Variants in CDH13 observed in about 807,000 individuals in gnomAD.
The protein encoded by CDH13 is cadherin 13.
CDH13 carries 24 observed loss-of-function variants against 63.8 expected under a neutral mutation model. The observed-to-expected ratio is 0.38, with a 90% CI of 0.27 to 0.53. The LOEUF (loss-of-function observed/expected upper bound fraction) is 0.53, where lower values mean the gene tolerates loss of function less well. Ranked by LOEUF, CDH13 falls within the 20% of genes least tolerant of loss-of-function variation. CDH13 has a pLI of 0.85. For missense variants in CDH13, 1,049 were observed against 903.1 expected, an observed-to-expected ratio of 1.16 and a Z score of -2.07; for synonymous variants, 503 against 355.3, an observed-to-expected ratio of 1.42 and a Z score of -4.67.
chr16:82,774,371 A>G (rs1049815929), intron 1 of CDH13, among the ~76,000 whole-genome samples: 7 of 150,604 alleles, frequency 4.6e-5, no homozygotes, highest in African/African-American at 1.7e-4. Flanking sequence ...CCATCTGTAA[A>G]TTGTGGATAC....
intron 3 of CDH13, among the ~76,000 whole-genome samples, chr16:83,084,086 G>A (rs867412582): frequency 6.6e-6 from 1 of 152,154 alleles, no homozygotes; most frequent in African/African-American, 2.4e-5. Flanking sequence ...TCCTAATGTG[G>A]CAAAAACCAA....
intron 8 of CDH13, among the ~76,000 whole-genome samples, chr16:83,614,623 T>TG (rs1409097985): frequency 6.6e-5 from 10 of 152,132 alleles, no homozygotes. Context: ...TTCAAATAAG[T>TG]GGGGGGTTTT....
chr16:83,105,142 T>A (rs2034702359), intron 3 of CDH13, among the ~76,000 whole-genome samples: 1 of 152,194 alleles, frequency 6.6e-6, no homozygotes, highest in Non-Finnish European at 1.5e-5. Flanking sequence ...GCATTAGCTA[T>A]TTTAAGAGGA....
intron 2 of CDH13, among the ~76,000 whole-genome samples, chr16:82,876,805 A>C (rs552898533): frequency 2.0e-5 from 3 of 152,218 alleles, no homozygotes; most frequent in Non-Finnish European, 4.4e-5. Flanking sequence ...AGGGACTGTA[A>C]ACAAACAAAA....
intron 5 of CDH13, among the ~76,000 whole-genome samples, chr16:83,312,439 G>A (rs778140341): frequency 1.3e-5 from 2 of 152,312 alleles, no homozygotes; most frequent in South Asian, 2.1e-4. Context: ...CGAGCATACT[G>A]TCTCTTAGGC....
chr16:83,536,729 G>A (rs1309181002), intron 7 of CDH13, among the ~76,000 whole-genome samples: 1 of 152,200 alleles, frequency 6.6e-6, no homozygotes, highest in East Asian at 1.9e-4. Context: ...TCCACTAGGG[G>A]ACTACCATAT....
At chr16:83,261,502 G>C (rs1472579686) in intron 5 of CDH13, among the ~76,000 whole-genome samples, 1 of 152,000 alleles carries the variant, frequency 6.6e-6, no homozygotes, top group Non-Finnish European at 1.5e-5. Context: ...AGTGGGGCTA[G>C]GTGTCCAGTG....
intron 5 of CDH13, among the ~76,000 whole-genome samples, chr16:83,321,203 G>T (rs534442177): frequency 1.3e-5 from 2 of 152,196 alleles, no homozygotes; most frequent in African/African-American, 4.8e-5. Context: ...TGAAACAATT[G>T]TCTATTATTA....
intron 2 of CDH13, among the ~76,000 whole-genome samples, chr16:83,021,111 C>G (rs965555293): frequency 6.6e-6 from 1 of 152,166 alleles, no homozygotes. Flanking sequence ...GATTCTCAAA[C>G]TTGCTGAATC....
chr16:83,334,341 CCTCT>C (rs370037527), intron 5 of CDH13, among the ~76,000 whole-genome samples: 65 of 109,218 alleles, frequency 6.0e-4, no homozygotes, highest in Non-Finnish European at 8.9e-4. Flanking sequence ...TCCCTTTCTC[CCTCT>C]CTCTCTCTCT....
At chr16:83,395,093 A>C (rs1026452337) in intron 6 of CDH13, among the ~76,000 whole-genome samples, 1 of 149,126 alleles carries the variant, frequency 6.7e-6, no homozygotes, top group Non-Finnish European at 1.5e-5. Context: ...GGTTGCAGTG[A>C]GCCAAGATCG....
chr16:82,939,632 A>C (rs1026293397), intron 2 of CDH13, among the ~76,000 whole-genome samples: 11 of 150,024 alleles, frequency 7.3e-5, no homozygotes, highest in African/African-American at 2.7e-4. Flanking sequence ...GAATGTTAAC[A>C]GTGGGTCTCT....
At chr16:83,621,475 C>CTTTT (rs72032168) in intron 8 of CDH13, among the ~76,000 whole-genome samples, 8,054 of 28,506 alleles carry the variant, frequency 0.28, 3,620 homozygotes, top group Non-Finnish European at 0.35. Context: ...CCTCACCTGC[C>CTTTT]TTTTTTTTTT....
intron 4 of CDH13, among the ~76,000 whole-genome samples, chr16:83,127,501 G>C (rs1022491344): frequency 6.6e-6 from 1 of 151,988 alleles, no homozygotes; most frequent in African/African-American, 2.4e-5. Flanking sequence ...ACGCTGAGGC[G>C]GGAGGATCAC....
At chr16:83,184,683 A>G (rs2038458080) in intron 4 of CDH13, among the ~76,000 whole-genome samples, 1 of 152,188 alleles carries the variant, frequency 6.6e-6, no homozygotes, top group East Asian at 1.9e-4. Context: ...TGAACCCAGG[A>G]GGCAGACGTT....
intron 1 of CDH13, among the ~76,000 whole-genome samples, chr16:82,788,225 A>G (rs1026514901): frequency 3.3e-5 from 5 of 152,192 alleles, no homozygotes; most frequent in Non-Finnish European, 4.4e-5. Flanking sequence ...CAGGCGTTGT[A>G]TATTTTGTTC....
intron 6 of CDH13, among the ~76,000 whole-genome samples, chr16:83,476,519 A>G (rs2073609193): frequency 6.6e-6 from 1 of 152,172 alleles, no homozygotes; most frequent in South Asian, 2.1e-4. Context: ...CTAAAAATAC[A>G]AAAATTAGCA....
At chr16:82,712,479 T>C (rs1046958691) in intron 1 of CDH13, among the ~76,000 whole-genome samples, 2 of 152,190 alleles carry the variant, frequency 1.3e-5, no homozygotes, top group African/African-American at 4.8e-5. Flanking sequence ...TCGTGCCTGA[T>C]AACCTATGAA....
intron 4 of CDH13, among the ~76,000 whole-genome samples, chr16:83,145,652 G>A (rs987599302): frequency 2.0e-5 from 3 of 152,158 alleles, no homozygotes; most frequent in African/African-American, 7.2e-5. Flanking sequence ...ATAGATCGAA[G>A]GAATTATTCC....
Sources: allele counts gnomAD v4.1 joint callset (sites outside exome capture counted in the v4.1 genomes callset), GRCh38; gene constraint gnomAD v4.1.1; transcripts MANE v1.5; gene names NCBI Gene and HGNC (gene_info 2026-07-23, HGNC 2026-07-21).